Variants in TNNI3K observed in about 807,000 individuals in gnomAD.
The protein encoded by TNNI3K is serine/threonine-protein kinase TNNI3K.
In TNNI3K, 140 loss-of-function variants were observed where a neutral mutation model predicts 114.5. The ratio of observed to expected loss-of-function variants is 1.22; its 90% confidence interval spans 1.07 to 1.41. TNNI3K has a LOEUF of 1.41. TNNI3K is among the 40% of genes most tolerant of loss of function. TNNI3K has a pLI of 0.00. For missense variants in TNNI3K, 1,125 were observed against 1,007.6 expected, an observed-to-expected ratio of 1.12 and a Z score of -1.58; for synonymous variants, 347 against 347.5, an observed-to-expected ratio of 1.00 and a Z score of 0.02.
chr1:74,349,455 G>C (rs571075142), intron 9 of TNNI3K, among the ~76,000 whole-genome samples: 30 of 152,278 alleles, frequency 2.0e-4, no homozygotes, highest in African/African-American at 6.7e-4. Context: ...GTCTCTGCCA[G>C]CCTTTGGTAT....
At chr1:74,237,374 G>T (rs1479827865) in intron 2 of TNNI3K, among the ~76,000 whole-genome samples, 1 of 151,932 alleles carries the variant, frequency 6.6e-6, no homozygotes, top group African/African-American at 2.4e-5. Flanking sequence ...TATTTGTTTT[G>T]TTGGAAAAGT....
At chr1:74,378,485 C>A (rs574504182) in intron 17 of TNNI3K, among the ~76,000 whole-genome samples, 79 of 150,486 alleles carry the variant, frequency 5.2e-4, no homozygotes, top group African/African-American at 1.9e-3. Flanking sequence ...GGGGGTCAAC[C>A]AAATTCAAGT....
chr1:74,276,848 G>A (rs930123913), intron 5 of TNNI3K, among the ~76,000 whole-genome samples: 1 of 152,030 alleles, frequency 6.6e-6, no homozygotes, highest in African/African-American at 2.4e-5. Flanking sequence ...TTCAATAATA[G>A]AAGAGAACAT....
chr1:74,518,103 G>A (rs1441312450), intron 23 of TNNI3K, among the ~76,000 whole-genome samples: 1 of 152,136 alleles, frequency 6.6e-6, no homozygotes, highest in South Asian at 2.1e-4. Context: ...GACAGATGGT[G>A]GACCAGGAGG....
At chr1:74,253,150 G>A (rs1655050020) in intron 4 of TNNI3K, among the ~76,000 whole-genome samples, 1 of 152,180 alleles carries the variant, frequency 6.6e-6, no homozygotes, top group Admixed American at 6.5e-5. Flanking sequence ...TAGACACAGG[G>A]TGCTGATGGT....
At chr1:74,320,485 A>G (rs1160660208) in intron 5 of TNNI3K, among the ~76,000 whole-genome samples, 1 of 152,174 alleles carries the variant, frequency 6.6e-6, no homozygotes, top group Non-Finnish European at 1.5e-5. Flanking sequence ...CCTAAAATAA[A>G]TTAAGAAAGT....
chr1:74,533,613 A>G (rs965396782), intron 23 of TNNI3K, among the ~76,000 whole-genome samples: 19 of 151,990 alleles, frequency 1.3e-4, no homozygotes, highest in Non-Finnish European at 2.1e-4. Flanking sequence ...ACATGCACAC[A>G]TATGTTTATT....
chr1:74,479,687 C>T (rs1668381424), intron 21 of TNNI3K, among the ~76,000 whole-genome samples: 1 of 152,206 alleles, frequency 6.6e-6, no homozygotes, highest in African/African-American at 2.4e-5. Context: ...AGCCCTCTGA[C>T]TCTTACTATA....
chr1:74,492,398 C>T (rs945311440), intron 23 of TNNI3K, 132 bp downstream of exon 23: 53 of 1,197,188 alleles, frequency 4.4e-5, no homozygotes, highest in African/African-American at 2.2e-4. Context: ...AGTTTTCAGC[C>T]CATTTTTCTT....
At chr1:74,350,179 T>A (rs1385777190) in intron 9 of TNNI3K, among the ~76,000 whole-genome samples, 1 of 152,222 alleles carries the variant, frequency 6.6e-6, no homozygotes, top group East Asian at 1.9e-4. Context: ...GTGTCTTTGT[T>A]CTCGTTGGTT....
intron 4 of TNNI3K, among the ~76,000 whole-genome samples, chr1:74,262,870 C>T (rs1459752380): frequency 6.6e-6 from 1 of 152,018 alleles, no homozygotes; most frequent in African/African-American, 2.4e-5. Context: ...CTGATCCCTC[C>T]CAAGTTTGGG....
chr1:74,527,545 G>A (rs1398461738), intron 23 of TNNI3K, among the ~76,000 whole-genome samples: 1 of 152,184 alleles, frequency 6.6e-6, no homozygotes, highest in Non-Finnish European at 1.5e-5. Context: ...GAACCAGAAA[G>A]CCACTATGGT....
chr1:74,502,588 A>C (rs1669687829), intron 23 of TNNI3K, among the ~76,000 whole-genome samples: 1 of 152,218 alleles, frequency 6.6e-6, no homozygotes, highest in Non-Finnish European at 1.5e-5. Context: ...TTTGAAGAGA[A>C]TCAGCAGGGA....
intron 20 of TNNI3K, among the ~76,000 whole-genome samples, chr1:74,459,237 C>A (rs1307990429): frequency 6.6e-6 from 1 of 152,142 alleles, no homozygotes; most frequent in African/African-American, 2.4e-5. Flanking sequence ...ATAATGCATA[C>A]CTTTTGAATA....
chr1:74,350,313 T>G (rs944814165), intron 9 of TNNI3K, among the ~76,000 whole-genome samples: 1 of 152,172 alleles, frequency 6.6e-6, no homozygotes, highest in Non-Finnish European at 1.5e-5. Context: ...GAGTTCTAGT[T>G]TGCACTGTGG....
intron 2 of TNNI3K, among the ~76,000 whole-genome samples, chr1:74,242,837 C>G (rs1051193495): frequency 2.0e-5 from 3 of 151,924 alleles, no homozygotes; most frequent in Non-Finnish European, 4.4e-5. Flanking sequence ...GCAACTTGAC[C>G]TCAATCTCTC....
At chr1:74,430,567 T>C (rs74770182) in intron 17 of TNNI3K, among the ~76,000 whole-genome samples, 1,843 of 152,244 alleles carry the variant, frequency 0.012, 39 homozygotes, top group African/African-American at 0.042. Context: ...TTCACATCGC[T>C]TATTCAGATG....
At chr1:74,511,375 T>C (rs991074068) in intron 23 of TNNI3K, among the ~76,000 whole-genome samples, 5 of 152,148 alleles carry the variant, frequency 3.3e-5, no homozygotes, top group Non-Finnish European at 7.3e-5. Flanking sequence ...GTATTTTTAG[T>C]AGAGATAGGG....
chr1:74,332,205 CAT>C (rs1214585426), intron 6 of TNNI3K, among the ~76,000 whole-genome samples: 1 of 152,020 alleles, frequency 6.6e-6, no homozygotes, highest in African/African-American at 2.4e-5. Context: ...TGAATTGCCA[CAT>C]GACTGAGCTT....
Sources: allele counts gnomAD v4.1 joint callset (sites outside exome capture counted in the v4.1 genomes callset), GRCh38; gene constraint gnomAD v4.1.1; transcripts MANE v1.5; gene names NCBI Gene and HGNC (gene_info 2026-07-23, HGNC 2026-07-21).